The following NAALAD2 variants were observed in gnomAD, a reference collection of about 807,000 sequenced individuals.
The protein encoded by NAALAD2 is N-acetylated-alpha-linked acidic dipeptidase 2.
Under a neutral mutation model 95.6 loss-of-function variants are expected in NAALAD2, and 89 were observed. The ratio of observed to expected loss-of-function variants is 0.93; its 90% CI spans 0.78 to 1.11. The LOEUF is 1.11. Ranked by LOEUF, NAALAD2 falls within the 50% of genes least tolerant of loss-of-function variation. The pLI, the probability that NAALAD2 is intolerant of heterozygous loss-of-function variation, is 0.00. For missense variants in NAALAD2, 894 were observed against 872.4 expected, an observed-to-expected ratio of 1.02 and a Z score of -0.31; for synonymous variants, 264 against 294.4, an observed-to-expected ratio of 0.90 and a Z score of 1.06.
Position 90,170,156 on chromosome 11 carries a change from T to TTC in NAALAD2, c.1410+21_1410+22dup, listed in dbSNP as rs1473669199. ...AAAGAGGTATATAAGGAAATGTGTC[T>TTC]TCATATGTTCTCTTTTGAATGGATA... On this transcript the variant is annotated intron_variant, in intron 13 of 18. Coordinates refer to ENST00000534061, the MANE Select transcript of NAALAD2 (RefSeq NM_005467.4). The TTC allele has an allele frequency of 7.1e-7, 1 of 1,401,448 alleles. No homozygotes were observed. Among genetic ancestry groups the TTC allele is most frequent in the Admixed American group, 1.7e-5 (1 of 59,546 alleles). 86.8% of individuals were successfully genotyped at this position (1,401,448 alleles called of 1,614,324 possible). A position where few individuals can be genotyped will look rare whatever the true frequency, so the allele number is the denominator to read the frequency against.
chr11:90,162,135 G>C (rs1027593234), intron 8 of NAALAD2, among the ~76,000 whole-genome samples: 2 of 152,050 alleles, frequency 1.3e-5, no homozygotes, highest in Admixed American at 1.3e-4. Context: ...CCTACCTTTA[G>C]AATAAATGAT....
chr11:90,163,278 G>A, intron 9 of NAALAD2, 32 bp from the exon 10 acceptor site: 1 of 1,591,150 alleles, frequency 6.3e-7, no homozygotes. Context: ...TGTATTCAAA[G>A]TTGTAGGTTT....
chr11:90,149,190 A>C, intron 4 of NAALAD2, 83 bp downstream of exon 4: 1 of 703,888 alleles, frequency 1.4e-6, no homozygotes, highest in East Asian at 2.9e-5. Context: ...AAAACCAAGG[A>C]AATTAGGTGA....
At position 90,135,635 on chromosome 11, in the gene NAALAD2, C is replaced by T. The variant is rs201420243; in HGVS notation, c.159C>T (p.Ser53=). The T allele has an allele frequency of 4.5e-5, 73 of 1,612,780 alleles. No individual in the cohort carries two copies. The Admixed American group carries it at 9.7e-4, about 21-fold the overall frequency. Residue 53 remains serine (S), a synonymous_variant, in exon 2 of 19, where the codon TCC becomes TCT. Coordinates refer to ENST00000534061, the MANE Select transcript of NAALAD2 (RefSeq NM_005467.4). ...AAAGTATACGGTGGAAACTGGTATCCGAAATGAAAGCTGAAAACATCAAAT... is the reference window on the plus strand; with the variant it reads ...AAAGTATACGGTGGAAACTGGTATCTGAAATGAAAGCTGAAAACATCAAAT... ...YHQSIRWKLV[S]EMKAENIKSF...
chr11:90,188,546 T>C (rs898375086), intron 18 of NAALAD2, among the ~76,000 whole-genome samples: 2 of 152,170 alleles, frequency 1.3e-5, no homozygotes, highest in Non-Finnish European at 2.9e-5. Flanking sequence ...CCATATATGG[T>C]ATTTTTCTCA....
At chr11:90,147,242 A>G in intron 2 of NAALAD2, 88 bp from the exon 3 acceptor site, 1 of 1,006,344 alleles carries the variant, frequency 9.9e-7, no homozygotes, top group Non-Finnish European at 1.5e-6. Flanking sequence ...TTAATGCCCA[A>G]TGCATAAGTA....
upstream of NAALAD2, chr11:90,131,849 T>A (rs1226414690): frequency 6.6e-6 from 1 of 152,176 alleles, no homozygotes; most frequent in Non-Finnish European, 1.5e-5. Flanking sequence ...GCTCACTGAA[T>A]CATGAGCAGG....
At chr11:90,183,588 C>T (rs536609950) in intron 18 of NAALAD2, among the ~76,000 whole-genome samples, 4 of 152,066 alleles carry the variant, frequency 2.6e-5, no homozygotes, top group South Asian at 2.1e-4. Context: ...CATTTTTCGG[C>T]GTTATGATGG....
chr11:90,185,667 AT>A (rs1231335323), intron 18 of NAALAD2, among the ~76,000 whole-genome samples: 1 of 151,854 alleles, frequency 6.6e-6, no homozygotes, highest in African/African-American at 2.4e-5. Flanking sequence ...ATTTTTTTTC[AT>A]TTTTTTAGAT....
At chr11:90,174,408 T>C (rs1952728267) in intron 14 of NAALAD2, among the ~76,000 whole-genome samples, 1 of 152,192 alleles carries the variant, frequency 6.6e-6, no homozygotes, top group Admixed American at 6.5e-5. Flanking sequence ...TTTCAGTCTA[T>C]GTTAGAGCAC....
intron 18 of NAALAD2, among the ~76,000 whole-genome samples, chr11:90,184,337 T>A (rs1161193927): frequency 6.6e-6 from 1 of 152,084 alleles, no homozygotes; most frequent in Non-Finnish European, 1.5e-5. Flanking sequence ...AGCTACTAAG[T>A]GGAGATTATA....
chr11:90,179,093 A>G (rs1349220513), intron 16 of NAALAD2, among the ~76,000 whole-genome samples: 2 of 152,244 alleles, frequency 1.3e-5, no homozygotes, highest in South Asian at 2.1e-4. Flanking sequence ...AGAACATATC[A>G]TGTTTCAAAG....
intron 2 of NAALAD2, among the ~76,000 whole-genome samples, chr11:90,139,089 G>T (rs1416214628): frequency 4.6e-5 from 7 of 151,926 alleles, no homozygotes; most frequent in Non-Finnish European, 1.5e-5. Flanking sequence ...TTGATCTCAG[G>T]GTTTCTGGGT....
intron 6 of NAALAD2, among the ~76,000 whole-genome samples, chr11:90,155,801 CATATATA>C (rs1405828823): frequency 5.4e-4 from 69 of 127,818 alleles, no homozygotes; most frequent in Admixed American, 1.7e-3. Flanking sequence ...ACATATTACA[CATATATA>C]ATATATAATA....
chr11:90,178,563 C>T (rs1952869713), intron 16 of NAALAD2, among the ~76,000 whole-genome samples: 2 of 151,322 alleles, frequency 1.3e-5, no homozygotes, highest in South Asian at 2.1e-4. Flanking sequence ...CTCAGCTACT[C>T]GGGAGGCTGA....
intron 2 of NAALAD2, among the ~76,000 whole-genome samples, chr11:90,146,460 G>T (rs912868716): frequency 2.2e-5 from 3 of 135,230 alleles, no homozygotes; most frequent in Admixed American, 8.5e-5. Context: ...CCAGATTCAA[G>T]CAATTCTCCT....
At chr11:90,190,520 A>AT (rs929796270) in intron 18 of NAALAD2, among the ~76,000 whole-genome samples, 5 of 152,006 alleles carry the variant, frequency 3.3e-5, no homozygotes, top group Non-Finnish European at 4.4e-5. Context: ...CCTATATCAA[A>AT]TTTTTTTTGC....
chr11:90,155,074 ATG>A (rs200869912), intron 6 of NAALAD2, among the ~76,000 whole-genome samples: 4,604 of 122,132 alleles, frequency 0.038, 393 homozygotes, highest in African/African-American at 0.16. Flanking sequence ...ATATGTATAT[ATG>A]TGTGTATATA....
At position 90,170,135 on chromosome 11, in the gene NAALAD2, AG is replaced by A; in HGVS notation, c.1410+1del. 1 of 1,551,718 alleles carries A rather than the reference AG, an allele frequency of 6.4e-7. No individual in the cohort carries two copies. Among genetic ancestry groups the A allele is most frequent in the Non-Finnish European group, 8.9e-7 (1 of 1,123,372 alleles). On this transcript the variant is annotated frameshift_variant and splice_region_variant, in exon 13 of 19. Coordinates refer to ENST00000534061, the MANE Select transcript of NAALAD2 (RefSeq NM_005467.4). LOFTEE classifies it high-confidence loss of function. ...CAATTAGTGTATAAACTGACAAAAG[AG>A]GTATATAAGGAAATGTGTCTTCATA... ...LYQLVYKLTK[E>X]IPSPDDGFES...
Sources: allele counts gnomAD v4.1 joint callset (sites outside exome capture counted in the v4.1 genomes callset), GRCh38; gene constraint gnomAD v4.1.1; transcripts MANE v1.5; gene names NCBI Gene and HGNC (gene_info 2026-07-23, HGNC 2026-07-21).